Variants in KRI1 observed in about 807,000 individuals in gnomAD.
The protein encoded by KRI1 is protein KRI1 homolog.
Under a neutral mutation model 97.0 loss-of-function variants are expected in KRI1, and 83 were observed. That is an observed-to-expected ratio of 0.86 (90% CI 0.72 to 1.03). The LOEUF (loss-of-function observed/expected upper bound fraction) is 1.03. Among genes scored for constraint, KRI1 ranks in the 50% least tolerant of loss-of-function variants. The pLI, the probability that KRI1 is intolerant of heterozygous loss-of-function variation, is 0.00. For missense variants in KRI1, 916 were observed against 928.4 expected (o/e 0.99, Z 0.17); for synonymous variants, 371 against 363.5 (o/e 1.02, Z -0.23).
intron 3 of KRI1, among the ~76,000 whole-genome samples, chr19:10,564,590 C>G (rs1258028451): frequency 1.3e-5 from 2 of 152,196 alleles, no homozygotes; most frequent in Non-Finnish European, 2.9e-5. Context: ...CCTGCCCAGC[C>G]TGGTGGAGTT....
rs1228709834 is a variant in KRI1 at position 10,553,485 on chromosome 19, G to T, written c.*466C>A. 1 of 187,584 alleles carries T rather than the reference G, an allele frequency of 5.3e-6. No individual in the cohort carries two copies. Among genetic ancestry groups the T allele is most frequent in the African/African-American group, 2.3e-5 (1 of 42,718 alleles). 11.6% of individuals were successfully genotyped at this position (187,584 alleles called of 1,614,324 possible). The stretch of plus-strand genomic sequence containing the variant: ...GTCTGGGAGGTGTCTCGAGGTGAGA[G>T]CTCCAAGTCACGGGAAGTTTAAGTC... On this transcript the variant is annotated 3_prime_UTR_variant, in exon 19 of 19. Transcript: ENST00000312962.
At chr19:10,565,820 C>A (rs763525881) in intron 1 of KRI1, 30 bp from the exon 2 acceptor site, 60 of 1,551,350 alleles carry the variant, frequency 3.9e-5, no homozygotes, top group Non-Finnish European at 4.9e-5. Context: ...TGCCCCCCCC[C>A]AGGTCAGCCG....
rs1916706381 is a variant in KRI1, at chr19:10,561,720, CAG to C, written c.439-6_439-5del. On this transcript the variant is annotated splice_region_variant and splice_polypyrimidine_tract_variant and intron_variant, in intron 5 of 18. Coordinates refer to ENST00000312962, the MANE Select transcript of KRI1 (RefSeq NM_023008.5). ...CATAACTTTGCGACGATGTCTCCTG[CAG>C]AGAGGGCCATAGGTCTCAGGCCAGC... 2 of 1,614,014 alleles carry C rather than the reference CAG, an allele frequency of 1.2e-6. No individual in the cohort carries two copies. Among genetic ancestry groups the C allele is most frequent in the Non-Finnish European group, 1.7e-6 (2 of 1,180,030 alleles).
intron 3 of KRI1, among the ~76,000 whole-genome samples, chr19:10,564,329 G>A (rs1221029031): frequency 3.4e-5 from 5 of 147,084 alleles, no homozygotes; most frequent in Non-Finnish European, 4.5e-5. Context: ...GCGTGGTGGC[G>A]CGTGCCTGTA....
Position 10,565,443 on chromosome 19 carries a change from G to T in KRI1, c.168+274C>A. Reference sequence around the variant, plus strand: ...AAAAAATGGCTAGACTCTTGAGGATGAAAGAGGAAAGGGGGGGTTCTTGGG... The same window carrying T: ...AAAAAATGGCTAGACTCTTGAGGATTAAAGAGGAAAGGGGGGGTTCTTGGG... On this transcript the variant is annotated intron_variant, in intron 2 of 18. Transcript: ENST00000312962. 2.6e-5 allele frequency: 14 copies of T among 540,596 alleles called. No individual in the cohort carries two copies. The South Asian group carries it at 3.1e-4, about 12-fold the overall frequency. The allele number at this position is 540,596 out of a possible 1,614,324, so 33.5% of individuals were successfully genotyped here. A position where few individuals can be genotyped will look rare whatever the true frequency, so the allele number is the denominator to read the frequency against.
Position 10,553,220 on chromosome 19 carries a change from GACAGAGCCC to G in KRI1, c.*722_*730del, listed in dbSNP as rs1220485061. On this transcript the variant is annotated 3_prime_UTR_variant, in exon 19 of 19. Transcript: ENST00000312962. ...ACCAGTCTGGGGCCATTCAGCCAGG[GACAGAGCCC>G]ACAGAGCCCATACACCTGTCTCCCA... 3.9e-6 allele frequency: 4 copies of G among 1,013,688 alleles called. No homozygotes were observed. Among genetic ancestry groups the G allele is most frequent in the South Asian group, 3.5e-5 (2 of 57,184 alleles). The allele number at this position is 1,013,688 out of a possible 1,614,324, so 62.8% of individuals were successfully genotyped here.
rs757190106 is a variant in KRI1 at position 10,557,905 on chromosome 19, C to G, written c.1360-10G>C. 6.2e-7 allele frequency: 1 copy of G among 1,613,638 alleles called. No individual in the cohort carries two copies. The highest frequency in any genetic ancestry group is 8.5e-7 in the Non-Finnish European group (1 of 1,179,896). ...CGTAGTCGGCGTCCATCTGCCAGGA[C>G]GCACAGGTCAGATCCCACCAGCCCC... On this transcript the variant is annotated splice_polypyrimidine_tract_variant and intron_variant, in intron 14 of 18. Coordinates refer to ENST00000312962, the MANE Select transcript of KRI1 (RefSeq NM_023008.5).
chr19:10,556,336 T>A (rs1241689237), intron 16 of KRI1, among the ~76,000 whole-genome samples: 1 of 150,376 alleles, frequency 6.6e-6, no homozygotes, highest in Non-Finnish European at 1.5e-5. Flanking sequence ...CTACCAAGTC[T>A]TACCAGCCAG....
intron 3 of KRI1, among the ~76,000 whole-genome samples, chr19:10,563,416 G>C (rs1457547398): frequency 6.6e-6 from 1 of 151,810 alleles, no homozygotes; most frequent in African/African-American, 2.4e-5. Flanking sequence ...GCGTGACTTG[G>C]CTTACTGCAA....
Position 10,553,260 on chromosome 19 carries a change from G to T in KRI1, c.*691C>A, listed in dbSNP as rs531141762. 7.1e-6 allele frequency: 5 copies of T among 702,708 alleles called. No individual in the cohort carries two copies. Among genetic ancestry groups the T allele is most frequent in the Non-Finnish European group, 1.1e-5 (5 of 454,576 alleles). 43.5% of individuals were successfully genotyped at this position (702,708 alleles called of 1,614,324 possible). A position where few individuals can be genotyped will look rare whatever the true frequency, so the allele number is the denominator to read the frequency against. ...GCCCATACACCTGTCTCCCACCAGC[G>T]GGGCCCTCCTGGCAGGGTAGGGAAG... On this transcript the variant is annotated 3_prime_UTR_variant, in exon 19 of 19. Transcript: ENST00000312962.
At chr19:10,560,206 G>GA (rs1916649211) in intron 9 of KRI1, 106 bp downstream of exon 9, 1 of 1,448,520 alleles carries the variant, frequency 6.9e-7, no homozygotes, top group South Asian at 1.4e-5. Flanking sequence ...CACCATCTGT[G>GA]AAAAAAATAC....
chr19:10,564,751 G>C (rs1010839996), intron 3 of KRI1, among the ~76,000 whole-genome samples, 178 bp downstream of exon 3: 2 of 152,140 alleles, frequency 1.3e-5, no homozygotes, highest in African/African-American at 4.8e-5. Context: ...GTGTAAACTG[G>C]GTAAATCCCA....
At position 10,559,466 on chromosome 19, in the gene KRI1, C is replaced by T; in HGVS notation, c.1087G>A (p.Ala363Thr). ...ACTTTCCGCAGCTTCTCCAGCTTGGCCAGAATCTCCTTCCTCTTCAGGTTC... is the reference window on the plus strand; with the variant it reads ...ACTTTCCGCAGCTTCTCCAGCTTGGTCAGAATCTCCTTCCTCTTCAGGTTC... Reference protein sequence around the residue: ...LKNLKRKEILAKLEKLRKVTG... With the variant: ...LKNLKRKEILTKLEKLRKVTG... The change falls in exon 12 of 19, where the codon GCC becomes ACC. Residue 363 changes from alanine (A) to threonine (T), a missense_variant. Physicochemically the swap from Ala to Thr is moderately conservative, Grantham distance 58. This residue lies in a region of KRI1 where 672 missense variants were observed against 667.2 expected (regional missense o/e 1.01). Coordinates refer to ENST00000312962, the MANE Select transcript of KRI1 (RefSeq NM_023008.5). 1 of 1,614,070 alleles carries T rather than the reference C, an allele frequency of 6.2e-7. No individual in the cohort carries two copies. Among genetic ancestry groups the T allele is most frequent in the Middle Eastern group, 1.6e-4 (1 of 6,062 alleles).
chr19:10,564,853 C>T, intron 3 of KRI1, 76 bp downstream of exon 3: 1 of 923,154 alleles, frequency 1.1e-6, no homozygotes, highest in South Asian at 1.3e-5. Flanking sequence ...AGTCACTTCT[C>T]TGAATCCACA....
rs754175130 is a variant in KRI1 at position 10,555,156 on chromosome 19, C to T, written c.1712G>A (p.Arg571Gln). The part of the protein sequence containing the change: ...RSEQEELRDK[R>Q]AYSQKAQNSW... ...GTTCTGGGCCTTCTGGCTGTACGCC[C>T]GCTTGTCCCGCAGCTCCTCCTGCTC... The change falls in exon 18 of 19, where the codon CGG becomes CAG. Residue 571 changes from arginine (R) to glutamine (Q), a missense_variant. Coordinates refer to ENST00000312962, the MANE Select transcript of KRI1 (RefSeq NM_023008.5). 2.9e-5 allele frequency: 47 copies of T among 1,612,652 alleles called. No homozygotes were observed. Among genetic ancestry groups the T allele is most frequent in the Non-Finnish European group, 3.6e-5 (42 of 1,179,612 alleles).
At chr19:10,556,264 C>A (rs563703066) in intron 16 of KRI1, among the ~76,000 whole-genome samples, 2 of 152,138 alleles carry the variant, frequency 1.3e-5, no homozygotes, top group Non-Finnish European at 2.9e-5. Flanking sequence ...CTCAAGTGAT[C>A]CTCCTGCTTC....
In KRI1 at chr19:10,561,863, G is replaced by GA; in HGVS notation, c.384-19_384-18insT. 1.2e-6 allele frequency: 2 copies of GA among 1,612,930 alleles called. No individual in the cohort carries two copies. The highest frequency in any genetic ancestry group is 2.7e-5 in the African/African-American group (2 of 74,954). ...CATATTTGCTGTAAAGGAAAAGTGG[G>GA]GTCTTCAGAATATATCTTCCAGGGC... On this transcript the variant is annotated intron_variant, in intron 4 of 18. Coordinates refer to ENST00000312962, the MANE Select transcript of KRI1 (RefSeq NM_023008.5).
In KRI1 at chr19:10,559,364, T is replaced by C. The variant is rs578077050; in HGVS notation, c.1189A>G (p.Met397Val). 5.0e-6 allele frequency: 8 copies of C among 1,608,638 alleles called. No homozygotes were observed. In the South Asian group the frequency reaches 7.7e-5, roughly 15 times the overall value. The change falls in exon 12 of 19, where the codon ATG (methionine) becomes GTG (valine). Residue 397 changes from methionine to valine, a missense_variant. By Grantham distance (21) the Met-to-Val change is conservative (BLOSUM62 1). Transcript: ENST00000312962. ...DFDPAQHDQL[M>V]QKCFGDEYYG... ...GGCCGGGATGAGGGCCGCACCTGCATGAGCTGGTCGTGCTGGGCAGGGTCG... is the reference window on the plus strand; with the variant it reads ...GGCCGGGATGAGGGCCGCACCTGCACGAGCTGGTCGTGCTGGGCAGGGTCG...
chr19:10,560,059 A>G (rs925038914), intron 9 of KRI1, 123 bp from the exon 10 acceptor site: 54 of 1,292,290 alleles, frequency 4.2e-5, no homozygotes, highest in Non-Finnish European at 5.2e-5. Context: ...TACAAGGTGC[A>G]CGCTGCTATT....
Sources: allele counts gnomAD v4.1 joint callset (sites outside exome capture counted in the v4.1 genomes callset), GRCh38; gene constraint gnomAD v4.1.1; regional missense constraint gnomAD v4.1.1; transcripts MANE v1.5; gene names NCBI Gene and HGNC (gene_info 2026-07-23, HGNC 2026-07-21).